The following ANO1 variants were observed in gnomAD, a reference collection of about 807,000 sequenced individuals.
ANO1 encodes anoctamin 1, also known as anoctamin-1.
In ANO1, 59 loss-of-function variants were observed where a neutral mutation model predicts 124.0. That is an observed-to-expected ratio of 0.48 (90% CI 0.39 to 0.59). ANO1 has a LOEUF of 0.59. ANO1 is among the 20% of genes least tolerant of loss of function. The pLI is 0.00. For missense variants in ANO1, 1,059 were observed against 1,328.0 expected (o/e 0.80, Z 3.15); for synonymous variants, 529 against 532.0 (o/e 0.99, Z 0.08).
chr11:70,026,847 G>A (rs368367736), intron 1 of ANO1, among the ~76,000 whole-genome samples: 10 of 152,250 alleles, frequency 6.6e-5, no homozygotes, highest in South Asian at 2.1e-4. Context: ...ATCCCAGGGC[G>A]TTTGCCTTTC....
At chr11:70,170,820 G>T (rs769107049) in intron 21 of ANO1, 67 bp from the exon 22 acceptor site, 55 of 1,544,876 alleles carry the variant, frequency 3.6e-5, no homozygotes, top group Non-Finnish European at 4.7e-5. Context: ...GGCACACGGG[G>T]TGGTGGAGTC....
At chr11:69,988,630 G>A (rs1469507316) in intron 1 of ANO1, among the ~76,000 whole-genome samples, 2 of 152,148 alleles carry the variant, frequency 1.3e-5, no homozygotes, top group African/African-American at 4.8e-5. Flanking sequence ...CTCTCCCAGG[G>A]AGCAATTGAT....
chr11:70,164,487 G>A (rs192206086), intron 19 of ANO1, among the ~76,000 whole-genome samples: 51 of 152,248 alleles, frequency 3.3e-4, no homozygotes, highest in Non-Finnish European at 1.5e-4. Context: ...CACTCGTCCC[G>A]GGTCAGAAAG....
intron 1 of ANO1, among the ~76,000 whole-genome samples, chr11:70,084,156 G>A (rs967034931): frequency 6.6e-6 from 1 of 152,118 alleles, no homozygotes; most frequent in African/African-American, 2.4e-5. Context: ...CTGGGACTCA[G>A]GCAGGTGTGC....
intron 1 of ANO1, among the ~76,000 whole-genome samples, chr11:70,066,434 C>A (rs997400026): frequency 2.0e-5 from 3 of 152,154 alleles, no homozygotes; most frequent in South Asian, 4.1e-4. Context: ...CAAAGACACC[C>A]TGCAGGGTTG....
Position 70,143,814 on chromosome 11 carries a change from A to G in ANO1, c.1259-5896A>G, listed in dbSNP as rs543649785. 2.6e-5 allele frequency among the ~76,000 whole-genome samples: 4 copies of G among 152,342 alleles called. No individual in the cohort carries two copies. In the South Asian group the frequency reaches 8.3e-4, roughly 32 times the overall value. On this transcript the variant is annotated intron_variant, in intron 11 of 25. Transcript: ENST00000355303. ...AAGGGGAATCTACGCTCATCATTCT[A>G]TCACTAGCTTTTTGTAAATTGCAGT...
intron 7 of ANO1, among the ~76,000 whole-genome samples, chr11:70,112,344 C>G (rs1285225647): frequency 6.6e-6 from 1 of 152,222 alleles, no homozygotes; most frequent in African/African-American, 2.4e-5. Flanking sequence ...GACAGAGGAG[C>G]TCTGAAACTT....
At chr11:70,124,871 C>G (rs2046430698) in intron 9 of ANO1, among the ~76,000 whole-genome samples, 1 of 152,208 alleles carries the variant, frequency 6.6e-6, no homozygotes, top group Non-Finnish European at 1.5e-5. Flanking sequence ...CATCAAACTG[C>G]CAACCACGCT....
intron 1 of ANO1, among the ~76,000 whole-genome samples, chr11:70,085,116 C>T (rs2155451): frequency 0.22 from 34,151 of 152,086 alleles, 4,033 homozygotes; most frequent in South Asian, 0.35. Context: ...CGCTGTAACC[C>T]GGGCTCTCCT....
chr11:69,969,168 G>A, the ANO1 span, among the ~76,000 whole-genome samples: 13 of 152,304 alleles, frequency 8.5e-5, no homozygotes, highest in African/African-American at 2.9e-4. Flanking sequence ...GCCACGGGAG[G>A]GTCCCTCATA....
At chr11:69,980,792 G>A in the ANO1 span, among the ~76,000 whole-genome samples, 2 of 151,854 alleles carry the variant, frequency 1.3e-5, no homozygotes, top group East Asian at 2.0e-4. Context: ...GGTGGCTCAC[G>A]CCTGTAATCC....
intron 8 of ANO1, among the ~76,000 whole-genome samples, chr11:70,122,922 A>G (rs188981074): frequency 4.1e-4 from 62 of 152,368 alleles, no homozygotes; most frequent in South Asian, 6.2e-4. Context: ...GCTCCGCTTC[A>G]TCAAGGTTTG....
At chr11:70,103,221 C>G in intron 3 of ANO1, 57 bp downstream of exon 3, 1 of 1,422,036 alleles carries the variant, frequency 7.0e-7, no homozygotes, top group Non-Finnish European at 9.6e-7. Flanking sequence ...GTCACTTGGA[C>G]GCCTGGCAGT....
rs551107057 is a variant in ANO1 at position 70,017,872 on chromosome 11, C to T, written c.58+31706C>T. On this transcript the variant is annotated intron_variant, in intron 1 of 27. Coordinates refer to the ANO1 transcript ENST00000531349. ...TACACAAACAAACCCATATGCCTAT[C>T]CTCAGTGGCTCATGGGCAGGTTCTA... is the stretch of plus-strand genomic sequence containing the variant. 5.9e-5 allele frequency among the ~76,000 whole-genome samples: 9 copies of T among 152,204 alleles called. No individual in the cohort carries two copies. In the South Asian group the frequency reaches 1.9e-3, roughly 32 times the overall value.
intron 8 of ANO1, among the ~76,000 whole-genome samples, chr11:70,117,951 G>T (rs567384248): frequency 1.3e-5 from 2 of 152,106 alleles, no homozygotes; most frequent in Non-Finnish European, 2.9e-5. Context: ...ATCTGGCATC[G>T]TCTGGGACCC....
intron 1 of ANO1, among the ~76,000 whole-genome samples, chr11:70,049,075 G>A (rs1565168623): frequency 6.6e-6 from 1 of 152,114 alleles, no homozygotes; most frequent in Non-Finnish European, 1.5e-5. Flanking sequence ...ATTGCTTTCT[G>A]GTGGCTTATG....
chr11:69,978,413 C>T, the ANO1 span, among the ~76,000 whole-genome samples: 2 of 152,294 alleles, frequency 1.3e-5, no homozygotes, highest in African/African-American at 2.4e-5. Flanking sequence ...TGCAGTGGCA[C>T]GATCTTGGCT....
rs1261994272 is a variant in ANO1 at position 70,095,420 on chromosome 11, A to AT, written c.441+7336_441+7337insT. On this transcript the variant is annotated intron_variant, in intron 2 of 25. Coordinates refer to ENST00000355303, the MANE Select transcript of ANO1 (RefSeq NM_018043.7). ...AAAGAAAGAAAGAAAGAAAGAAAGA[A>AT]AGAAAGAAAAGAAAAGAAAGAAAGA... 2.3e-4 allele frequency among the ~76,000 whole-genome samples: 6 copies of AT among 26,134 alleles called. 1 individual carries two copies. Among genetic ancestry groups the AT allele is most frequent in the South Asian group, 3.2e-3 (2 of 626 alleles). The allele number at this position is 26,134 out of a possible 152,430, so 17.1% of individuals were successfully genotyped here.
intron 4 of ANO1, among the ~76,000 whole-genome samples, chr11:70,104,947 A>G (rs558333645): frequency 5.3e-4 from 80 of 152,148 alleles, no homozygotes; most frequent in Non-Finnish European, 1.0e-3. Context: ...TGCATTTACC[A>G]GGTCCTGATT....
Sources: gnomAD v4.1 joint callset for allele counts (sites outside exome capture counted in the v4.1 genomes callset) on GRCh38, gnomAD v4.1.1 for gene constraint, MANE v1.5 for transcripts, NCBI Gene and HGNC (gene_info 2026-07-23, HGNC 2026-07-21) for gene names.